The following CRCP variants were observed in gnomAD, a reference collection of about 807,000 sequenced individuals.
CRCP encodes CGRP receptor component.
In CRCP, 18 loss-of-function variants were observed where a neutral mutation model predicts 18.5. The ratio of observed to expected loss-of-function variants is 0.97; its 90% CI spans 0.67 to 1.44. CRCP has a LOEUF of 1.44. Among genes scored for constraint, CRCP ranks in the 40% most tolerant of loss-of-function variants. The probability of loss-of-function intolerance (pLI) is 0.00; values close to 1 mark genes in which losing one functional copy is unlikely to be tolerated. For synonymous variants in CRCP, 53 were observed against 62.9 expected, an observed-to-expected ratio of 0.84 and a Z score of 0.75; for missense variants, 130 against 176.4, an observed-to-expected ratio of 0.74 and a Z score of 1.49.
Position 66,136,050 on chromosome 7 carries a change from G to C in CRCP, c.239+1676G>C, listed in dbSNP as rs565872675. ...AAGTTAAAGTACTTTTTATAAAGTT[G>C]ATCAGTGAAGTCTTTTGACATTTGT... On this transcript the variant is annotated intron_variant, in intron 4 of 5. Transcript: ENST00000395326. 2.1e-3 allele frequency among the ~76,000 whole-genome samples: 322 copies of C among 152,248 alleles called. 2 individuals carry two copies. Among genetic ancestry groups the C allele is most frequent in the African/African-American group, 7.6e-3 (315 of 41,548 alleles).
intron 5 of CRCP, among the ~76,000 whole-genome samples, chr7:66,151,739 CT>C (rs1394747814): frequency 6.9e-5 from 8 of 116,510 alleles, no homozygotes; most frequent in African/African-American, 9.4e-5. Context: ...TAGCTTTTTC[CT>C]TTTTTTCTTT....
In CRCP at chr7:66,152,197, TC is replaced by T; in HGVS notation, c.298-9del. 1 of 1,613,930 alleles carries T rather than the reference TC, an allele frequency of 6.2e-7. No individual in the cohort carries two copies. Among genetic ancestry groups the T allele is most frequent in the Non-Finnish European group, 8.5e-7 (1 of 1,179,924 alleles). On this transcript the variant is annotated splice_polypyrimidine_tract_variant and intron_variant, in intron 5 of 5. Transcript: ENST00000395326. ...ATTTGTAACCCTGGAGGATTTTCTT[TC>T]CTTCTGCAGATGGTGGAAGAGAGTG...
intron 4 of CRCP, among the ~76,000 whole-genome samples, chr7:66,139,598 A>G: frequency 6.6e-6 from 1 of 152,180 alleles, no homozygotes; most frequent in East Asian, 1.9e-4. Flanking sequence ...TTTGTGTTTT[A>G]GGAGGCTGTC....
chr7:66,154,006 A>C lies in CRCP; in HGVS notation c.*1649A>C, dbSNP rs1173689860. 3 of 150,348 alleles carry C rather than the reference A, an allele frequency of 2.0e-5. No homozygotes were observed. The allele number at this position is 150,348 out of a possible 1,614,324, so 9.3% of individuals were successfully genotyped here. On this transcript the variant is annotated 3_prime_UTR_variant, in exon 6 of 6. Transcript: ENST00000395326. ...AACCGGGGAGGCAGAGGTTGCAGTGAGCCAGATCGTGCATTGCACTCCAGC... is the reference window on the plus strand; with the variant it reads ...AACCGGGGAGGCAGAGGTTGCAGTGCGCCAGATCGTGCATTGCACTCCAGC...
intron 5 of CRCP, among the ~76,000 whole-genome samples, chr7:66,147,342 A>G (rs565517695): frequency 0.017 from 337 of 20,206 alleles, 3 homozygotes; most frequent in African/African-American, 0.076. Context: ...CCATCTTGGG[A>G]AAAAAAAAAA....
In CRCP at chr7:66,134,390, A is replaced by T. The variant is rs1291232449; in HGVS notation, c.239+16A>T. 1.3e-6 allele frequency: 2 copies of T among 1,524,922 alleles called. No individual in the cohort carries two copies. The highest frequency in any genetic ancestry group is 1.8e-6 in the Non-Finnish European group (2 of 1,108,510). The allele number at this position is 1,524,922 out of a possible 1,614,324, so 94.5% of individuals were successfully genotyped here. A position where few individuals can be genotyped will look rare whatever the true frequency, so the allele number is the denominator to read the frequency against. On this transcript the variant is annotated intron_variant, in intron 4 of 5. Coordinates refer to ENST00000395326, the MANE Select transcript of CRCP (RefSeq NM_014478.5). ...AGTTGACCAAGTAAGTAAATCTCTT[A>T]AGTAGGAAGAGCGTGACACATGGTG...
chr7:66,124,537 T>G (rs1787562165), intron 1 of CRCP, among the ~76,000 whole-genome samples: 1 of 132,278 alleles, frequency 7.6e-6, no homozygotes, highest in South Asian at 2.8e-4. Flanking sequence ...CCTCCTTCCC[T>G]TCCTTCCTTC....
At chr7:66,132,901 ACT>A (rs1310852665) in intron 3 of CRCP, among the ~76,000 whole-genome samples, 8 of 151,808 alleles carry the variant, frequency 5.3e-5, no homozygotes, top group African/African-American at 1.9e-4. Flanking sequence ...ACAGAGCAAG[ACT>A]CTGTCTCAAA....
At chr7:66,145,600 C>A in intron 5 of CRCP, 100 bp downstream of exon 5, 1 of 1,181,250 alleles carries the variant, frequency 8.5e-7, no homozygotes, top group Non-Finnish European at 1.3e-6. Context: ...TAAGAGGCTG[C>A]CCAACCACTC....
intron 5 of CRCP, among the ~76,000 whole-genome samples, chr7:66,145,967 G>A (rs773091893): frequency 8.5e-5 from 13 of 152,144 alleles, no homozygotes; most frequent in Non-Finnish European, 1.5e-4. Flanking sequence ...CTCCCACGCC[G>A]GAAACCTGCA....
chr7:66,116,266 A>C (rs1787258691), intron 1 of CRCP, among the ~76,000 whole-genome samples: 1 of 152,002 alleles, frequency 6.6e-6, no homozygotes. Flanking sequence ...AAGCTTAGGC[A>C]GAAGGATCAC....
intron 4 of CRCP, among the ~76,000 whole-genome samples, chr7:66,141,762 A>G (rs1000148937): frequency 6.6e-6 from 1 of 152,206 alleles, no homozygotes; most frequent in Non-Finnish European, 1.5e-5. Context: ...TTTGGTGATC[A>G]CTTGGGCAAG....
chr7:66,152,149 G>T, intron 5 of CRCP, 59 bp from the exon 6 acceptor site: 1 of 1,590,666 alleles, frequency 6.3e-7, no homozygotes. Context: ...CAGTGGGCAG[G>T]GCTGCCCAAG....
At chr7:66,124,868 A>G (rs952689745) in intron 1 of CRCP, among the ~76,000 whole-genome samples, 1 of 149,328 alleles carries the variant, frequency 6.7e-6, no homozygotes, top group African/African-American at 2.4e-5. Flanking sequence ...TACTATTATT[A>G]AGATACAATG....
At chr7:66,117,013 C>T (rs1210651911) in intron 1 of CRCP, among the ~76,000 whole-genome samples, 1 of 148,638 alleles carries the variant, frequency 6.7e-6, no homozygotes, top group Non-Finnish European at 1.5e-5. Flanking sequence ...CCCAGTAACT[C>T]AGGAGGCTGA....
intron 2 of CRCP, 126 bp from the exon 3 acceptor site, chr7:66,130,618 G>A (rs1305818100): frequency 5.9e-6 from 3 of 505,126 alleles, no homozygotes; most frequent in Non-Finnish European, 1.1e-5. Context: ...CCAAGAGTTG[G>A]AAGCTGGGTG....
At chr7:66,141,232 T>C (rs559342220) in intron 4 of CRCP, among the ~76,000 whole-genome samples, 1 of 152,336 alleles carries the variant, frequency 6.6e-6, no homozygotes, top group South Asian at 2.1e-4. Flanking sequence ...CATTCAGTTA[T>C]ACTCTTGTAG....
chr7:66,135,982 A>G (rs1562767481), intron 4 of CRCP, among the ~76,000 whole-genome samples: 2 of 151,922 alleles, frequency 1.3e-5, no homozygotes, highest in Admixed American at 6.6e-5. Context: ...CATCAACCCC[A>G]CTCCCAGAAT....
At chr7:66,147,483 G>T (rs78439446) in intron 5 of CRCP, among the ~76,000 whole-genome samples, 2,447 of 152,264 alleles carry the variant, frequency 0.016, 62 homozygotes, top group East Asian at 0.093. Context: ...TAGCCCAGAG[G>T]GCTGGTGAGT....
Sources: gnomAD v4.1 joint callset for allele counts (sites outside exome capture counted in the v4.1 genomes callset) on GRCh38, gnomAD v4.1.1 for gene constraint, MANE v1.5 for transcripts, NCBI Gene and HGNC (gene_info 2026-07-23, HGNC 2026-07-21) for gene names.